PREP: variants seen among roughly 807,000 people sequenced by gnomAD.
PREP encodes prolyl endopeptidase, also known as dJ355L5.1 (prolyl endopeptidase).
A neutral mutation model predicts 87.6 loss-of-function variants in PREP; 29 were observed. The observed-to-expected ratio is 0.33, with a 90% CI of 0.25 to 0.45. PREP has a LOEUF of 0.45. Ranked by LOEUF, PREP falls within the 20% of genes least tolerant of loss-of-function variation. The pLI is 1.00. For missense variants in PREP, 695 were observed against 886.5 expected (o/e 0.78, Z 2.74); for synonymous variants, 337 against 328.6 (o/e 1.03, Z -0.28).
Position 105,378,319 on chromosome 6 carries a change from C to T in PREP, c.121-800G>A, listed in dbSNP as rs150389346. Among the ~76,000 whole-genome samples, 1,510 of 152,202 alleles carry T rather than the reference C, an allele frequency of 9.9e-3. 12 individuals are homozygous for T. Among genetic ancestry groups the T allele is most frequent in the Non-Finnish European group, 0.012 (810 of 68,014 alleles). ...ACTAAAAATACAAAAATTTGTCAGG[C>T]GTGGTGGTGGGTGCCTGTAATTCCA... On this transcript the variant is annotated intron_variant, in intron 2 of 14. Coordinates refer to ENST00000652536, the MANE Select transcript of PREP (RefSeq NM_002726.5).
At chr6:105,397,743 A>G in intron 2 of PREP, 110 bp downstream of exon 2, 1 of 854,300 alleles carries the variant, frequency 1.2e-6, no homozygotes. Flanking sequence ...TCACCATCCC[A>G]TGGCAGAAAA....
At chr6:105,283,163 A>G (rs1190225656) in intron 12 of PREP, among the ~76,000 whole-genome samples, 1 of 152,250 alleles carries the variant, frequency 6.6e-6, no homozygotes, top group Non-Finnish European at 1.5e-5. Flanking sequence ...TGGAAAGAAC[A>G]AAAGGAATTG....
chr6:105,322,002 G>A (rs1478985114), intron 10 of PREP, among the ~76,000 whole-genome samples: 1 of 152,032 alleles, frequency 6.6e-6, no homozygotes, highest in African/African-American at 2.4e-5. Flanking sequence ...CCTTGCTGGG[G>A]ATACCCAGGC....
At chr6:105,315,646 G>A (rs1486699501) in intron 10 of PREP, among the ~76,000 whole-genome samples, 1 of 152,226 alleles carries the variant, frequency 6.6e-6, no homozygotes, top group African/African-American at 2.4e-5. Flanking sequence ...AGCTATGAAA[G>A]TCCTAGATGA....
intron 1 of PREP, among the ~76,000 whole-genome samples, chr6:105,399,224 G>A (rs1272634199): frequency 1.3e-5 from 2 of 152,190 alleles, no homozygotes; most frequent in African/African-American, 2.4e-5. Flanking sequence ...CTGTTGGGAA[G>A]ACTACCTCTA....
chr6:105,372,699 G>T (rs1173365237), intron 5 of PREP, among the ~76,000 whole-genome samples: 1 of 152,188 alleles, frequency 6.6e-6, no homozygotes, highest in Non-Finnish European at 1.5e-5. Flanking sequence ...GAGAATATGC[G>T]ATTACTGTAG....
intron 10 of PREP, among the ~76,000 whole-genome samples, chr6:105,313,517 A>C (rs1344212906): frequency 2.0e-5 from 3 of 152,220 alleles, no homozygotes; most frequent in African/African-American, 7.2e-5. Flanking sequence ...AGCCTTCTCT[A>C]GGCAGAGCAA....
chr6:105,331,395 C>A (rs1735641161), intron 8 of PREP, among the ~76,000 whole-genome samples: 1 of 152,152 alleles, frequency 6.6e-6, no homozygotes, highest in East Asian at 1.9e-4. Context: ...AGTTAAAACC[C>A]CTCTTTTGGC....
At position 105,274,660 on chromosome 6, in the gene PREP, G is replaced by T. The variant is rs892385960; in HGVS notation, c.*3484C>A. Among the ~76,000 whole-genome samples, 3 of 152,096 alleles carry T rather than the reference G, an allele frequency of 2.0e-5. No homozygotes were observed. Among genetic ancestry groups the T allele is most frequent in the Admixed American group, 2.0e-4 (3 of 15,262 alleles). On this transcript the variant is annotated 3_prime_UTR_variant, in exon 15 of 15. Coordinates refer to ENST00000652536, the MANE Select transcript of PREP (RefSeq NM_002726.5). Reference sequence around the variant, plus strand: ...GTATGCGCCTGTAATACCAGCTACTGGGAAGGCTGAGGCAGGAGAATCACG... The same window carrying T: ...GTATGCGCCTGTAATACCAGCTACTTGGAAGGCTGAGGCAGGAGAATCACG...
chr6:105,291,862 T>C (rs1770303653), intron 10 of PREP, among the ~76,000 whole-genome samples: 1 of 152,218 alleles, frequency 6.6e-6, no homozygotes, highest in South Asian at 2.1e-4. Flanking sequence ...AAAACCTTTG[T>C]TGTCATTTTA....
At chr6:105,395,063 T>A (rs1035880003) in intron 2 of PREP, among the ~76,000 whole-genome samples, 9 of 152,248 alleles carry the variant, frequency 5.9e-5, no homozygotes, top group African/African-American at 2.2e-4. Context: ...ATTAAAATTC[T>A]GGGCTGCAAA....
chr6:105,402,755 G>A (rs1289915060), intron 1 of PREP, 92 bp downstream of exon 1: 2 of 1,224,820 alleles, frequency 1.6e-6, no homozygotes, highest in African/African-American at 1.5e-5. Flanking sequence ...GGGGGTCGAA[G>A]GCCTACAGGA....
Position 105,276,104 on chromosome 6 carries a change from C to T in PREP, c.*2040G>A, listed in dbSNP as rs762113743. 6.6e-6 allele frequency among the ~76,000 whole-genome samples: 1 copy of T among 152,182 alleles called. No homozygotes were observed. The highest frequency in any genetic ancestry group is 1.5e-5 in the Non-Finnish European group (1 of 68,030). ...AATCCCTTAGAGTTCTGGGTAGGAGCCCAATCTCAAGTCTTATTTCTAATG... is the reference window on the plus strand; with the variant it reads ...AATCCCTTAGAGTTCTGGGTAGGAGTCCAATCTCAAGTCTTATTTCTAATG... On this transcript the variant is annotated 3_prime_UTR_variant, in exon 15 of 15. Transcript: ENST00000652536.
rs201207461 is a variant in PREP at position 105,306,736 on chromosome 6, T to TCCA, written c.1317+16926_1317+16928dup. Among the ~76,000 whole-genome samples the TCCA allele has an allele frequency of 8.7e-3, 1,322 of 151,904 alleles. 16 individuals carry two copies. The highest frequency in any genetic ancestry group is 0.031 in the African/African-American group (1,262 of 41,276). On this transcript the variant is annotated intron_variant, in intron 10 of 14. Coordinates refer to ENST00000652536, the MANE Select transcript of PREP (RefSeq NM_002726.5). The stretch of plus-strand genomic sequence containing the variant: ...GTTTTCGGCTGTGCCCATGGGCTCC[T>TCCA]CCACCACCACCACCATCCCCGCCCC...
rs113074273 is a variant in PREP at position 105,377,341 on chromosome 6, A to G, written c.254+45T>C. 2,337 of 1,556,128 alleles carry G rather than the reference A, an allele frequency of 1.5e-3. 32 individuals carry two copies. The African/African-American group carries it at 0.026, about 18-fold the overall frequency. ...TTTGTATTTTACAATTTAAGAAAGC[A>G]TTTACTTTGAAAATAAAAAGGAAAT... is the stretch of plus-strand genomic sequence containing the variant. On this transcript the variant is annotated intron_variant, in intron 3 of 14. Coordinates refer to ENST00000652536, the MANE Select transcript of PREP (RefSeq NM_002726.5).
At chr6:105,400,136 T>C (rs907267749) in intron 1 of PREP, among the ~76,000 whole-genome samples, 12 of 152,196 alleles carry the variant, frequency 7.9e-5, no homozygotes, top group African/African-American at 2.9e-4. Context: ...GACCATACCC[T>C]ACAAATGAGG....
chr6:105,341,291 G>A (rs1771642250), intron 7 of PREP, among the ~76,000 whole-genome samples: 1 of 152,104 alleles, frequency 6.6e-6, no homozygotes, highest in Admixed American at 6.5e-5. Context: ...ATGACTACTG[G>A]GTACATAACG....
chr6:105,279,045 G>A (rs1394993447), intron 14 of PREP: 1 of 152,110 alleles, frequency 6.6e-6, no homozygotes, highest in Non-Finnish European at 1.5e-5. Flanking sequence ...CAGAGGAGGA[G>A]GGCACCTTCC....
intron 10 of PREP, among the ~76,000 whole-genome samples, chr6:105,308,528 C>T (rs891545691): frequency 6.6e-6 from 1 of 152,130 alleles, no homozygotes; most frequent in Non-Finnish European, 1.5e-5. Context: ...CTCTTAAAGG[C>T]TAGATCACAC....
Sources: allele counts gnomAD v4.1 joint callset (sites outside exome capture counted in the v4.1 genomes callset), GRCh38; gene constraint gnomAD v4.1.1; transcripts MANE v1.5; gene names NCBI Gene and HGNC (gene_info 2026-07-23, HGNC 2026-07-21).